The following GRAMD2A variants were observed in gnomAD, a reference collection of about 807,000 sequenced individuals.
The protein encoded by GRAMD2A is GRAM domain-containing protein 2A.
In GRAMD2A, 37 loss-of-function variants were observed where a neutral mutation model predicts 51.1. That is an observed-to-expected ratio of 0.72 (90% CI 0.56 to 0.95). The LOEUF is 0.95. Ranked by LOEUF, GRAMD2A falls within the 40% of genes least tolerant of loss-of-function variation. The pLI is 0.00. For synonymous variants in GRAMD2A, 136 were observed against 157.1 expected (o/e 0.87, Z 1.01); for missense variants, 414 against 426.9 (o/e 0.97, Z 0.27).
chr15:72,174,835 G>A (rs990550491), intron 1 of GRAMD2A, among the ~76,000 whole-genome samples: 1 of 152,098 alleles, frequency 6.6e-6, no homozygotes, highest in Non-Finnish European at 1.5e-5. Flanking sequence ...AGGAGAGGAG[G>A]GGGCAATGAG....
chr15:72,167,409 C>T (rs1428681068), intron 5 of GRAMD2A, among the ~76,000 whole-genome samples: 2 of 152,242 alleles, frequency 1.3e-5, no homozygotes, highest in Non-Finnish European at 2.9e-5. Flanking sequence ...TACTTCTTGG[C>T]CACAGCTAGG....
At chr15:72,188,509 T>C (rs1413809956) in intron 1 of GRAMD2A, among the ~76,000 whole-genome samples, 2 of 152,180 alleles carry the variant, frequency 1.3e-5, no homozygotes, top group African/African-American at 4.8e-5. Context: ...AAAAAGTCTA[T>C]ATTAACATGA....
intron 1 of GRAMD2A, among the ~76,000 whole-genome samples, chr15:72,191,348 C>G (rs1030186905): frequency 6.6e-6 from 1 of 152,022 alleles, no homozygotes; most frequent in Non-Finnish European, 1.5e-5. Context: ...TACAGGTGCC[C>G]GCCACCATGC....
At chr15:72,172,087 G>A (rs919015047) in intron 1 of GRAMD2A, among the ~76,000 whole-genome samples, 1 of 150,954 alleles carries the variant, frequency 6.6e-6, no homozygotes, top group East Asian at 2.0e-4. Flanking sequence ...TGGCCTCCCA[G>A]AGTGCTGGGA....
At position 72,162,309 on chromosome 15, in the gene GRAMD2A, C is replaced by CTTAA. The variant is rs1295048482; in HGVS notation, c.1024_1025insTTAA (p.Cys342PhefsTer8). 2 of 1,614,078 alleles carry CTTAA rather than the reference C, an allele frequency of 1.2e-6. No individual in the cohort carries two copies. Among genetic ancestry groups the CTTAA allele is most frequent in the Admixed American group, 3.3e-5 (2 of 60,030 alleles). The stretch of plus-strand genomic sequence containing the variant: ...GACTGGGTCATCCCAACTCAAGGAG[C>CTTAA]ATAACTGCTGCTCTAGCCGAGAAAT... On this transcript the variant is annotated frameshift_variant, in exon 11 of 12. Transcript: ENST00000309731. LOFTEE classifies it high-confidence loss of function.
At chr15:72,184,614 G>C (rs556304340) in intron 1 of GRAMD2A, among the ~76,000 whole-genome samples, 5 of 152,344 alleles carry the variant, frequency 3.3e-5, no homozygotes, top group Admixed American at 3.3e-4. Flanking sequence ...GGCTCCCCCA[G>C]GCTGGGCTCG....
In GRAMD2A at chr15:72,170,832, G is replaced by A. The variant is rs1472605515; in HGVS notation, c.42-893C>T. Among the ~76,000 whole-genome samples, 1 of 152,186 alleles carries A rather than the reference G, an allele frequency of 6.6e-6. No individual in the cohort carries two copies. The highest frequency in any genetic ancestry group is 2.4e-5 in the African/African-American group (1 of 41,438). ...GGTCAGGAACAGGTAACAAGGTCACGTGCAGTGGTCCTGCTGCAGATTAGG... is the reference window on the plus strand; with the variant it reads ...GGTCAGGAACAGGTAACAAGGTCACATGCAGTGGTCCTGCTGCAGATTAGG... On this transcript the variant is annotated intron_variant, in intron 1 of 11. Coordinates refer to ENST00000309731, the MANE Select transcript of GRAMD2A (RefSeq NM_001012642.3). The surrounding 1 kb of genome is among the most constrained non-coding windows in gnomAD (Gnocchi z 4.5).
chr15:72,163,650 T>C lies in GRAMD2A; in HGVS notation c.708A>G (p.Thr236=). 6.2e-7 allele frequency: 1 copy of C among 1,606,098 alleles called. No individual in the cohort carries two copies. Among genetic ancestry groups the C allele is most frequent in the Non-Finnish European group, 8.5e-7 (1 of 1,177,488 alleles). ...PCIPPSSVDS[T]DSFFPSRKPP... is the part of the protein sequence containing the mutation. ...GCTTCCTGGAGGGGAAGAAACTGTCTGTGGAGTCCACGGATGATGGAGGGA... is the reference window on the plus strand; with the variant it reads ...GCTTCCTGGAGGGGAAGAAACTGTCCGTGGAGTCCACGGATGATGGAGGGA... The change falls in exon 9 of 12, where the codon ACA becomes ACG. Residue 236 remains threonine, a synonymous_variant. Transcript: ENST00000309731.
At chr15:72,174,419 T>C (rs1241606177) in intron 1 of GRAMD2A, among the ~76,000 whole-genome samples, 2 of 152,196 alleles carry the variant, frequency 1.3e-5, no homozygotes, top group African/African-American at 4.8e-5. Context: ...CCCTGTGGGT[T>C]GTGAACCACA....
In GRAMD2A at chr15:72,163,732, C is replaced by T. The variant is rs2081508607; in HGVS notation, c.626G>A (p.Trp209Ter). ...SLEVLIPEMK[W>*]RKVCPSSRSL... is the part of the protein sequence containing the mutation. Reference sequence around the variant, plus strand: ...CCTGGAGGAAGGGCATACCTTTCTCCACTTCATCTCAGGGATGAGGACTTC... The same window carrying T: ...CCTGGAGGAAGGGCATACCTTTCTCTACTTCATCTCAGGGATGAGGACTTC... Residue 209 changes from tryptophan to a stop codon, truncating the protein, a stop_gained, in exon 9 of 12, where the codon TGG (tryptophan) becomes TAG (stop). Transcript: ENST00000309731. LOFTEE classifies it high-confidence loss of function. 1.2e-6 allele frequency: 2 copies of T among 1,608,942 alleles called. No individual in the cohort carries two copies. Among genetic ancestry groups the T allele is most frequent in the East Asian group, 4.5e-5 (2 of 44,868 alleles).
intron 1 of GRAMD2A, among the ~76,000 whole-genome samples, chr15:72,187,612 C>T (rs780110026): frequency 2.6e-5 from 4 of 152,216 alleles, no homozygotes; most frequent in Non-Finnish European, 5.9e-5. Context: ...CTGCTGGGCT[C>T]AAGCAATTCT....
Position 72,194,624 on chromosome 15 carries a change from A to G in GRAMD2A, c.41+3107T>C, listed in dbSNP as rs542471082. 2.0e-5 allele frequency among the ~76,000 whole-genome samples: 3 copies of G among 152,250 alleles called. No homozygotes were observed. The South Asian group carries it at 6.2e-4, about 32-fold the overall frequency. On this transcript the variant is annotated intron_variant, in intron 1 of 11. Transcript: ENST00000309731. ...TAAAACTTAGGAAATACCTATGATG[A>G]CGCTTTAGCTGGAAGTAATGGAGAT...
At chr15:72,196,226 G>A (rs1462437426) in intron 1 of GRAMD2A, among the ~76,000 whole-genome samples, 1 of 152,114 alleles carries the variant, frequency 6.6e-6, no homozygotes, top group Non-Finnish European at 1.5e-5. Context: ...CTATGGAGGG[G>A]GCCAGGCACG....
At chr15:72,192,002 G>A (rs1234506820) in intron 1 of GRAMD2A, among the ~76,000 whole-genome samples, 2 of 152,184 alleles carry the variant, frequency 1.3e-5, no homozygotes, top group Non-Finnish European at 2.9e-5. Context: ...CTAGCTATCT[G>A]ATTAAGAAGT....
At chr15:72,192,785 T>C (rs149885433) in intron 1 of GRAMD2A, among the ~76,000 whole-genome samples, 2 of 152,298 alleles carry the variant, frequency 1.3e-5, no homozygotes, top group African/African-American at 4.8e-5. Context: ...ACAATGTAAT[T>C]ACAAACATCA....
intron 1 of GRAMD2A, among the ~76,000 whole-genome samples, chr15:72,185,280 ACCT>A (rs1333613426): frequency 6.8e-6 from 1 of 146,926 alleles, no homozygotes; most frequent in East Asian, 2.0e-4. Flanking sequence ...TGCAACCTCT[ACCT>A]CCCAGGTTCA....
chr15:72,171,887 T>G (rs556155071), intron 1 of GRAMD2A, among the ~76,000 whole-genome samples: 5 of 151,750 alleles, frequency 3.3e-5, no homozygotes, highest in African/African-American at 1.2e-4. Flanking sequence ...TGGAGTCCAG[T>G]GGCGTGATCT....
In GRAMD2A at chr15:72,170,128, T is replaced by G. The variant is rs1596684671; in HGVS notation, c.42-189A>C. ...AGAGGTTCTGGGATGGCTGACGGAGTAGGCGGGTCTCACACAGCGTCTTTC... is the reference window on the plus strand; with the variant it reads ...AGAGGTTCTGGGATGGCTGACGGAGGAGGCGGGTCTCACACAGCGTCTTTC... On this transcript the variant is annotated intron_variant, in intron 1 of 11. Transcript: ENST00000309731. This position sits in a 1 kb window ranked among gnomAD's most constrained non-coding sequence, Gnocchi z 4.5. The G allele has an allele frequency of 1.5e-6, 1 of 689,258 alleles. No homozygotes were observed. Among genetic ancestry groups the G allele is most frequent in the Admixed American group, 2.0e-5 (1 of 49,572 alleles). The allele number at this position is 689,258 out of a possible 1,614,324, so 42.7% of individuals were successfully genotyped here.
chr15:72,180,372 A>C (rs574451601), intron 1 of GRAMD2A, among the ~76,000 whole-genome samples: 13 of 152,324 alleles, frequency 8.5e-5, no homozygotes, highest in African/African-American at 3.1e-4. Context: ...TCCAGACAAA[A>C]AGCTGGTCAT....
Sources: gnomAD v4.1 joint callset for allele counts (sites outside exome capture counted in the v4.1 genomes callset) on GRCh38, gnomAD v4.1.1 for gene constraint, Gnocchi (gnomAD v3.1) non-coding constraint, MANE v1.5 for transcripts, NCBI Gene and HGNC (gene_info 2026-07-23, HGNC 2026-07-21) for gene names.